The following DNAJB6 variants were observed in gnomAD, a reference collection of about 807,000 sequenced individuals.
The protein encoded by DNAJB6 is DnaJ heat shock protein family (Hsp40) member B6, also known as dnaJ homolog subfamily B member 6.
In DNAJB6, 16 loss-of-function variants were observed where a neutral mutation model predicts 42.7. That is an observed-to-expected ratio of 0.37 (90% CI 0.25 to 0.57). The LOEUF is 0.57. DNAJB6 is among the 20% of genes least tolerant of loss of function. DNAJB6 has a pLI of 0.74. For synonymous variants in DNAJB6, 170 were observed against 163.5 expected, an observed-to-expected ratio of 1.04 and a Z score of -0.30; for missense variants, 347 against 416.8, an observed-to-expected ratio of 0.83 and a Z score of 1.46.
chr7:157,389,244 C>T (rs1476805421), intron 8 of DNAJB6, among the ~76,000 whole-genome samples: 2 of 152,120 alleles, frequency 1.3e-5, no homozygotes, highest in South Asian at 2.1e-4. Context: ...CATTTCTTTC[C>T]GGGAATACTG....
At chr7:157,364,528 TCTC>T (rs1799755506) in intron 3 of DNAJB6, among the ~76,000 whole-genome samples, 1 of 152,118 alleles carries the variant, frequency 6.6e-6, no homozygotes, top group African/African-American at 2.4e-5. Flanking sequence ...GATCGTCCTC[TCTC>T]CTCAAGTTCC....
At chr7:157,408,404 T>C (rs1164972440) in intron 8 of DNAJB6, among the ~76,000 whole-genome samples, 2 of 152,346 alleles carry the variant, frequency 1.3e-5, no homozygotes, top group East Asian at 3.9e-4. Flanking sequence ...TGGAGCCCTG[T>C]GGGCGCCGTG....
chr7:157,387,483 C>G (rs973485800), intron 8 of DNAJB6, among the ~76,000 whole-genome samples: 2 of 152,180 alleles, frequency 1.3e-5, no homozygotes, highest in Admixed American at 1.3e-4. Context: ...TAAATAAATT[C>G]AAGTAGATAC....
chr7:157,369,237 C>T, intron 5 of DNAJB6: 2 of 456,212 alleles, frequency 4.4e-6, no homozygotes, highest in Non-Finnish European at 8.8e-6. Flanking sequence ...ATCCGTCCTT[C>T]ATCAACCCTC....
Position 157,416,041 on chromosome 7 carries a change from GA to G in DNAJB6, c.926del (p.Lys309SerfsTer45), listed in dbSNP as rs755524240. The G allele has an allele frequency of 6.2e-7, 1 of 1,614,224 alleles. No individual in the cohort carries two copies. The highest frequency in any genetic ancestry group is 1.7e-5 in the Admixed American group (1 of 60,030). Reference protein sequence around the residue: ...AGLKEGGKRKKQKQREESKKK... With the variant: ...AGLKEGGKRKXQKQREESKKK... ...GATTGAAAGAAGGTGGCAAGAGGAA[GA>G]AGCAGAAGCAGAGAGAGGAGTCGAA... On this transcript the variant is annotated frameshift_variant, in exon 10 of 10. Transcript: ENST00000262177. LOFTEE classifies it high-confidence loss of function.
At chr7:157,388,225 T>C (rs1801170872) in intron 8 of DNAJB6, among the ~76,000 whole-genome samples, 1 of 152,238 alleles carries the variant, frequency 6.6e-6, no homozygotes, top group African/African-American at 2.4e-5. Flanking sequence ...AAAGCCTATT[T>C]GTTGCTGTCA....
chr7:157,346,480 G>C (rs529221586), intron 1 of DNAJB6, among the ~76,000 whole-genome samples: 5 of 152,192 alleles, frequency 3.3e-5, no homozygotes, highest in African/African-American at 1.2e-4. Flanking sequence ...TATTTCTACA[G>C]CTTCAGGCTG....
intron 9 of DNAJB6, chr7:157,413,757 CT>C (rs1322779876): frequency 2.2e-5 from 3 of 138,918 alleles, no homozygotes; most frequent in Non-Finnish European, 3.0e-5. Flanking sequence ...CAGTCTCGCT[CT>C]GTCGCCCAGG....
At chr7:157,338,522 C>T (rs1203060329) in intron 1 of DNAJB6, among the ~76,000 whole-genome samples, 1 of 151,890 alleles carries the variant, frequency 6.6e-6, no homozygotes, top group Non-Finnish European at 1.5e-5. Flanking sequence ...TTAGTAGAGA[C>T]GGGGGTTTCA....
In DNAJB6 at chr7:157,407,702, G is replaced by A. The variant is rs952084648; in HGVS notation, c.692-2093G>A. Among the ~76,000 whole-genome samples, 8 of 152,156 alleles carry A rather than the reference G, an allele frequency of 5.3e-5. 1 individual carries two copies. The South Asian group carries it at 6.2e-4, about 12-fold the overall frequency. On this transcript the variant is annotated intron_variant, in intron 8 of 9. Transcript: ENST00000262177. ...CCCGGGCAGCCTGCAGATGCTTCTCGACGACACGGCCCCTTTGAGTTCGAA... is the reference window on the plus strand; with the variant it reads ...CCCGGGCAGCCTGCAGATGCTTCTCAACGACACGGCCCCTTTGAGTTCGAA...
At chr7:157,353,094 T>G (rs1799080419) in intron 1 of DNAJB6, among the ~76,000 whole-genome samples, 1 of 151,678 alleles carries the variant, frequency 6.6e-6, no homozygotes, top group South Asian at 2.1e-4. Context: ...TTTTTTTTAA[T>G]TTTTAAAATT....
chr7:157,414,526 G>C (rs1796062842), intron 9 of DNAJB6: 1 of 152,266 alleles, frequency 6.6e-6, no homozygotes, highest in African/African-American at 2.4e-5. Flanking sequence ...GCCTCTCTCT[G>C]TTCGTTCTTT....
Position 157,373,737 on chromosome 7 carries a change from G to A in DNAJB6, c.346+6254G>A, listed in dbSNP as rs547660710. 3.1e-4 allele frequency among the ~76,000 whole-genome samples: 47 copies of A among 152,312 alleles called. No individual in the cohort carries two copies. The South Asian group carries it at 4.3e-3, about 14-fold the overall frequency. The stretch of plus-strand genomic sequence containing the variant: ...CAGCAGATTGGATCGGTGTGTGCTG[G>A]TGACCTGGACCCACTATCATTACAC... On this transcript the variant is annotated intron_variant, in intron 5 of 9. Coordinates refer to ENST00000262177, the MANE Select transcript of DNAJB6 (RefSeq NM_058246.4).
At chr7:157,365,273 C>T (rs942056787) in intron 3 of DNAJB6, among the ~76,000 whole-genome samples, 1 of 152,334 alleles carries the variant, frequency 6.6e-6, no homozygotes, top group African/African-American at 2.4e-5. Context: ...TTTTGAGGAA[C>T]GCAGATGGTG....
At chr7:157,373,359 C>G (rs923928410) in intron 5 of DNAJB6, among the ~76,000 whole-genome samples, 4 of 152,028 alleles carry the variant, frequency 2.6e-5, no homozygotes, top group African/African-American at 7.2e-5. Context: ...GTGCCCTCAC[C>G]CCTCGCTCTG....
At chr7:157,397,770 G>A (rs1346628473) in intron 8 of DNAJB6, among the ~76,000 whole-genome samples, 5 of 152,242 alleles carry the variant, frequency 3.3e-5, no homozygotes, top group Middle Eastern at 6.8e-3. Context: ...TCTCCCTCTC[G>A]ACCTCTGCCC....
chr7:157,341,328 C>T (rs544730524), intron 1 of DNAJB6, among the ~76,000 whole-genome samples: 2 of 151,566 alleles, frequency 1.3e-5, no homozygotes, highest in African/African-American at 4.9e-5. Context: ...GTTTCACCAT[C>T]TTGGCCAGGC....
At chr7:157,379,531 A>T (rs952902837) in intron 5 of DNAJB6, 3 of 152,180 alleles carry the variant, frequency 2.0e-5, no homozygotes, top group Non-Finnish European at 4.4e-5. Flanking sequence ...GTTGGAGTGC[A>T]GTGGCTGTCG....
chr7:157,400,481 T>C (rs1378351745), intron 8 of DNAJB6, among the ~76,000 whole-genome samples: 2 of 152,204 alleles, frequency 1.3e-5, no homozygotes, highest in East Asian at 3.9e-4. Flanking sequence ...TGGTCATCCT[T>C]CCCTGGTAGG....
Sources: allele counts gnomAD v4.1 joint callset (sites outside exome capture counted in the v4.1 genomes callset), GRCh38; gene constraint gnomAD v4.1.1; transcripts MANE v1.5; gene names NCBI Gene and HGNC (gene_info 2026-07-23, HGNC 2026-07-21).